MEGF11: variants seen among roughly 807,000 people sequenced by gnomAD.
The protein encoded by MEGF11 is multiple epidermal growth factor-like domains protein 11.
MEGF11 carries 126 observed loss-of-function variants against 146.6 expected under a neutral mutation model. The ratio of observed to expected loss-of-function variants is 0.86; its 90% CI spans 0.74 to 1.00. MEGF11 has a LOEUF of 1.00. Ranked by LOEUF, MEGF11 falls within the 50% of genes least tolerant of loss-of-function variation. The pLI, the probability that MEGF11 is intolerant of heterozygous loss-of-function variation, is 0.00. For missense variants in MEGF11, 1,509 were observed against 1,521.2 expected (o/e 0.99, Z 0.13); for synonymous variants, 532 against 583.4 (o/e 0.91, Z 1.27).
chr15:66,194,255 CA>C lies in MEGF11; in HGVS notation c.-9+59349del, dbSNP rs1445508134. On this transcript the variant is annotated intron_variant, in intron 1 of 25. Coordinates refer to ENST00000395614, the MANE Select transcript of MEGF11 (RefSeq NM_001385028.1). The stretch of plus-strand genomic sequence containing the variant: ...GGAAGCAACTCAGGAATGGAAAACC[CA>C]ACATCATATGTTCTTACTCATAAAT... 3.9e-5 allele frequency among the ~76,000 whole-genome samples: 6 copies of C among 152,242 alleles called. No individual in the cohort carries two copies. The East Asian group carries it at 1.2e-3, about 29-fold the overall frequency.
intron 5 of MEGF11, among the ~76,000 whole-genome samples, chr15:66,026,720 C>G (rs2083343241): frequency 6.6e-6 from 1 of 151,794 alleles, no homozygotes; most frequent in South Asian, 2.1e-4. Flanking sequence ...GATCTCCTGA[C>G]CTCATGATCC....
At chr15:65,992,054 A>G (rs547816365) in intron 5 of MEGF11, among the ~76,000 whole-genome samples, 20 of 152,234 alleles carry the variant, frequency 1.3e-4, no homozygotes, top group Non-Finnish European at 2.6e-4. Flanking sequence ...GCTAGAGACA[A>G]GGAGGCCCGG....
chr15:65,924,539 A>G (rs2079298242), intron 13 of MEGF11, among the ~76,000 whole-genome samples: 1 of 152,038 alleles, frequency 6.6e-6, no homozygotes, highest in African/African-American at 2.4e-5. Context: ...GGAAAGTGGA[A>G]ACCATAAAAC....
intron 10 of MEGF11, among the ~76,000 whole-genome samples, chr15:65,955,338 A>G (rs1170710263): frequency 6.6e-6 from 1 of 152,120 alleles, no homozygotes; most frequent in East Asian, 1.9e-4. Flanking sequence ...CAAAGATGCC[A>G]AAGAGTTCAT....
intron 1 of MEGF11, among the ~76,000 whole-genome samples, chr15:66,132,880 T>C (rs1240920543): frequency 5.3e-5 from 8 of 152,198 alleles, no homozygotes; most frequent in Non-Finnish European, 1.2e-4. Flanking sequence ...ATATACTTCA[T>C]GAGGGCAGGG....
At chr15:66,130,967 G>A (rs1048287475) in intron 1 of MEGF11, among the ~76,000 whole-genome samples, 3 of 152,190 alleles carry the variant, frequency 2.0e-5, no homozygotes, top group Admixed American at 2.0e-4. Context: ...AGTGACAGAG[G>A]TTAACATATT....
At chr15:66,082,771 C>T (rs921867306) in intron 5 of MEGF11, among the ~76,000 whole-genome samples, 1 of 151,664 alleles carries the variant, frequency 6.6e-6, no homozygotes, top group Non-Finnish European at 1.5e-5. Context: ...TCCTCCAAAT[C>T]GTGGCCCCTC....
chr15:66,157,474 A>T (rs143199316), intron 1 of MEGF11, among the ~76,000 whole-genome samples: 2 of 152,324 alleles, frequency 1.3e-5, no homozygotes, highest in East Asian at 3.9e-4. Context: ...TCACACAGGA[A>T]TCAAATCTGG....
intron 24 of MEGF11, among the ~76,000 whole-genome samples, chr15:65,901,329 T>G (rs1409547248): frequency 1.3e-5 from 2 of 151,582 alleles, no homozygotes; most frequent in Non-Finnish European, 1.5e-5. Context: ...CAACTGCATA[T>G]TTTCTAACGT....
intron 7 of MEGF11, among the ~76,000 whole-genome samples, chr15:65,974,665 A>T (rs972354045): frequency 6.6e-6 from 1 of 152,084 alleles, no homozygotes; most frequent in African/African-American, 2.4e-5. Flanking sequence ...AAAAGAAAAA[A>T]AGAAAAGTCA....
intron 5 of MEGF11, among the ~76,000 whole-genome samples, chr15:66,038,646 G>A (rs184937010): frequency 3.2e-4 from 48 of 152,262 alleles, no homozygotes; most frequent in Middle Eastern, 3.4e-3. Flanking sequence ...GGCAAGCTAA[G>A]TCCCCATTGC....
At chr15:65,946,723 C>A (rs1395102430) in intron 10 of MEGF11, among the ~76,000 whole-genome samples, 1 of 152,158 alleles carries the variant, frequency 6.6e-6, no homozygotes, top group East Asian at 1.9e-4. Context: ...GTGACATCAC[C>A]ATCTCCCGAC....
intron 5 of MEGF11, among the ~76,000 whole-genome samples, chr15:66,080,360 AG>A (rs1291722333): frequency 1.3e-5 from 2 of 150,506 alleles, no homozygotes; most frequent in Admixed American, 6.6e-5. Context: ...TCTTTCTAAA[AG>A]GGGGACCGCA....
intron 8 of MEGF11, among the ~76,000 whole-genome samples, chr15:65,966,243 C>A (rs994239143): frequency 6.6e-6 from 1 of 152,140 alleles, no homozygotes; most frequent in Non-Finnish European, 1.5e-5. Context: ...ATCCGCCTGC[C>A]TCGGTCTCCC....
At chr15:65,916,783 A>T in intron 17 of MEGF11, 45 bp downstream of exon 17, 1 of 1,603,796 alleles carries the variant, frequency 6.2e-7, no homozygotes, top group South Asian at 1.1e-5. Flanking sequence ...AGTAGGCCGC[A>T]GCATGGTATT....
chr15:65,976,412 A>C (rs749680120), intron 7 of MEGF11, among the ~76,000 whole-genome samples: 2 of 152,204 alleles, frequency 1.3e-5, no homozygotes, highest in Non-Finnish European at 1.5e-5. Context: ...GGACCTTTAC[A>C]TAGGTAATCA....
chr15:66,150,775 A>G (rs1192956920), intron 1 of MEGF11, among the ~76,000 whole-genome samples: 3 of 151,126 alleles, frequency 2.0e-5, no homozygotes, highest in Non-Finnish European at 4.4e-5. Flanking sequence ...AAAGAGAGGA[A>G]AGATCACACC....
intron 5 of MEGF11, among the ~76,000 whole-genome samples, chr15:66,029,795 C>A (rs2140229868): frequency 6.6e-6 from 1 of 152,298 alleles, no homozygotes; most frequent in Non-Finnish European, 1.5e-5. Flanking sequence ...ATCAACGCCC[C>A]TCCTGGGGCT....
At chr15:66,050,100 C>T (rs904148293) in intron 5 of MEGF11, among the ~76,000 whole-genome samples, 5 of 152,132 alleles carry the variant, frequency 3.3e-5, no homozygotes, top group Non-Finnish European at 7.3e-5. Flanking sequence ...CACTGTGTTG[C>T]CCAGGCTAAA....
Sources: allele counts gnomAD v4.1 joint callset (sites outside exome capture counted in the v4.1 genomes callset), GRCh38; gene constraint gnomAD v4.1.1; transcripts MANE v1.5; gene names NCBI Gene and HGNC (gene_info 2026-07-23, HGNC 2026-07-21).